Variants in MGAM observed in about 807,000 individuals in gnomAD.
MGAM encodes the protein maltase-glucoamylase.
MGAM carries 253 observed loss-of-function variants against 358.8 expected under a neutral mutation model. The ratio of observed to expected loss-of-function variants is 0.71; its 90% CI spans 0.64 to 0.78. MGAM has a LOEUF of 0.78. Among genes scored for constraint, MGAM ranks in the 30% least tolerant of loss-of-function variants. The pLI is 0.00. For synonymous variants in MGAM, 1,105 were observed against 1,227.1 expected (o/e 0.90, Z 2.08); for missense variants, 3,080 against 3,432.6 (o/e 0.90, Z 2.57).
At chr7:142,099,536 A>T in intron 66 of MGAM, 77 bp from the exon 67 acceptor site, 1 of 1,605,298 alleles carries the variant, frequency 6.2e-7, no homozygotes, top group African/African-American at 1.3e-5. Context: ...AGGGAGGATG[A>T]GATGTCTGGC....
In MGAM at chr7:142,082,515, G is replaced by A; in HGVS notation, c.6212G>A (p.Gly2071Glu). ...TATGGTGTCCACCCCTACTACATGGGGCTAGAGGAGGATGGCAGTGCCCAT... is the reference window on the plus strand; with the variant it reads ...TATGGTGTCCACCCCTACTACATGGAGCTAGAGGAGGATGGCAGTGCCCAT... ...NSYGVHPYYMGLEEDGSAHGV... is the reference protein window; with the variant it reads ...NSYGVHPYYMELEEDGSAHGV... The change falls in exon 52 of 71, where the codon GGG (glycine) becomes GAG (glutamate). Residue 2071 changes from glycine (G) to glutamate (E), a missense_variant. Physicochemically the swap from Gly to Glu is moderately conservative, Grantham distance 98. Around this residue, in one of 5 missense-constraint regions of MGAM, gnomAD observed 932 missense variants for 1,198.2 expected, o/e 0.78. Coordinates refer to ENST00000475668, the MANE Select transcript of MGAM (RefSeq NM_001365693.1). The A allele has an allele frequency of 3.3e-6, 5 of 1,535,482 alleles. No homozygotes were observed. The highest frequency in any genetic ancestry group is 4.5e-6 in the Non-Finnish European group (5 of 1,122,134).
At chr7:142,045,249 AT>A (rs1810007503) in intron 21 of MGAM, among the ~76,000 whole-genome samples, 1 of 89,588 alleles carries the variant, frequency 1.1e-5, no homozygotes, top group African/African-American at 5.6e-5. Context: ...CATATAATAT[AT>A]GATATATAAT....
intron 62 of MGAM, 27 bp from the exon 63 acceptor site, chr7:142,094,720 G>C: frequency 3.7e-6 from 6 of 1,613,260 alleles, no homozygotes; most frequent in African/African-American, 1.3e-5. Context: ...ATCATCAGCA[G>C]GCTCCTTTTA....
In MGAM at chr7:142,080,968, C is replaced by G. The variant is rs778208909; in HGVS notation, c.6002+23C>G. The G allele has an allele frequency of 2.0e-6, 3 of 1,537,970 alleles. No individual in the cohort carries two copies. In the East Asian group the frequency reaches 6.9e-5, roughly 35 times the overall value. On this transcript the variant is annotated intron_variant, in intron 50 of 70. Transcript: ENST00000475668. ...AATGTGAGTGGCTTCTAGTGTGACT[C>G]AGAGTTGATGGCTACCTGCGCCTTC...
At chr7:142,082,769 T>C (rs1343413991) in intron 52 of MGAM, among the ~76,000 whole-genome samples, 198 bp downstream of exon 52, 1 of 146,464 alleles carries the variant, frequency 6.8e-6, no homozygotes, top group East Asian at 2.0e-4. Context: ...ACCCAACTCT[T>C]ATTTTGGTAA....
At chr7:142,022,527 G>A (rs2128996768) in intron 7 of MGAM, 88 bp downstream of exon 7, 1 of 1,390,622 alleles carries the variant, frequency 7.2e-7, no homozygotes, top group Non-Finnish European at 9.7e-7. Context: ...GTGTTTAAGA[G>A]TTAGAGTCTA....
chr7:142,044,401 T>TATAATGAATATTATATACACATAC (rs1809693948), intron 21 of MGAM, among the ~76,000 whole-genome samples: 1 of 46,494 alleles, frequency 2.2e-5, no homozygotes, highest in African/African-American at 4.0e-5. Flanking sequence ...ATACGATATA[T>TATAATGAATATTATATACACATAC]GATATATAAT....
intron 18 of MGAM, among the ~76,000 whole-genome samples, chr7:142,037,902 C>T (rs573198879): frequency 1.8e-4 from 28 of 152,054 alleles, no homozygotes; most frequent in Admixed American, 5.2e-4. Flanking sequence ...TATAAAGAAT[C>T]CAAGCACACT....
rs1807511653 is a variant in MGAM, at chr7:142,031,741, C to G, written c.1532C>G (p.Thr511Arg). The G allele has an allele frequency of 6.2e-7, 1 of 1,613,226 alleles. No individual in the cohort carries two copies. The highest frequency in any genetic ancestry group is 1.1e-5 in the South Asian group (1 of 91,076). The change falls in exon 13 of 71, where the codon ACA becomes AGA. Residue 511 changes from threonine (T) to arginine (R), a missense_variant. Thr to Arg is a moderately conservative substitution (Grantham distance 71). Around this residue, in one of 5 missense-constraint regions of MGAM, gnomAD observed 1,816 missense variants for 1,840.5 expected, o/e 0.99. Coordinates refer to ENST00000475668, the MANE Select transcript of MGAM (RefSeq NM_001365693.1). ...AATCCCAACTGTGCTGTTTGGTGGA[C>G]AAAGGAATTTGAGCTTTTTCACAAT... The part of the protein sequence containing the change: ...YTNPNCAVWW[T>R]KEFELFHNQV...
Position 142,021,590 on chromosome 7 carries a change from C to G in MGAM, c.563C>G (p.Thr188Ser). ...QTSNRFHFKL[T>S]DQTNNRFEVP... ...TCTATTTCTATCTCTGCACAGTTGA[C>G]TGACCAAACCAATAACAGGTTTGAA... The change falls in exon 6 of 71, where the codon ACT becomes AGT. Residue 188 changes from threonine (T) to serine (S), a missense_variant. Thr to Ser is a moderately conservative substitution (Grantham distance 58, BLOSUM62 1). Coordinates refer to ENST00000475668, the MANE Select transcript of MGAM (RefSeq NM_001365693.1). The G allele has an allele frequency of 6.2e-7, 1 of 1,613,766 alleles. No individual in the cohort carries two copies. Among genetic ancestry groups the G allele is most frequent in the Non-Finnish European group, 8.5e-7 (1 of 1,179,758 alleles).
In MGAM at chr7:142,034,360, A is replaced by G. The variant is rs782322543; in HGVS notation, c.1768A>G (p.Met590Val). 6 of 1,582,422 alleles carry G rather than the reference A, an allele frequency of 3.8e-6. No homozygotes were observed. The highest frequency in any genetic ancestry group is 5.2e-6 in the Non-Finnish European group (6 of 1,163,116). Residue 590 changes from methionine to valine, a missense_variant, in exon 15 of 71, where the codon ATG (methionine) becomes GTG (valine). By Grantham distance (21) the Met-to-Val change is conservative (BLOSUM62 1). Coordinates refer to ENST00000475668, the MANE Select transcript of MGAM (RefSeq NM_001365693.1). ...CATTCACAATCTGTATGGCTACTCC[A>G]TGGCGGTCGCCACAGCAGAGTAAGG... ...YDIHNLYGYSMAVATAEAAKT... is the reference protein window; with the variant it reads ...YDIHNLYGYSVAVATAEAAKT...
intron 4 of MGAM, 96 bp downstream of exon 4, chr7:142,019,415 GC>G: frequency 7.5e-7 from 1 of 1,327,666 alleles, no homozygotes; most frequent in Non-Finnish European, 1.0e-6. Flanking sequence ...GCTCTGTGGG[GC>G]CATATAACCA....
intron 21 of MGAM, among the ~76,000 whole-genome samples, chr7:142,042,121 ATATATAT>A (rs1190882452): frequency 1.6e-5 from 1 of 64,328 alleles, no homozygotes; most frequent in Non-Finnish European, 2.7e-5. Flanking sequence ...ATAATATATA[ATATATAT>A]ACATATAATA....
At position 142,100,817 on chromosome 7, in the gene MGAM, G is replaced by A. The variant is rs1302024549; in HGVS notation, c.7890G>A (p.Met2630Ile). 2 of 1,612,142 alleles carry A rather than the reference G, an allele frequency of 1.2e-6. No individual in the cohort carries two copies. The highest frequency in any genetic ancestry group is 8.5e-7 in the Non-Finnish European group (1 of 1,179,230). ...LNTHLSRQKF[M>I]GFKIALDDEG... ...CTCACTGCAGCCGCCAGAAATTCAT[G>A]GGCTTCAAAATTGCCTTGGATGATG... is the stretch of plus-strand genomic sequence containing the variant. Residue 2630 changes from methionine (M) to isoleucine (I), a missense_variant, in exon 68 of 71, where the codon ATG (methionine) becomes ATA (isoleucine). Met to Ile is a conservative substitution (Grantham distance 10, BLOSUM62 1). Coordinates refer to ENST00000475668, the MANE Select transcript of MGAM (RefSeq NM_001365693.1).
chr7:142,021,359 T>C (rs1554458734), intron 5 of MGAM, among the ~76,000 whole-genome samples: 1 of 152,178 alleles, frequency 6.6e-6, no homozygotes, highest in Non-Finnish European at 1.5e-5. Flanking sequence ...AATAAGGAAG[T>C]ATCACAGCTT....
chr7:142,032,994 A>T (rs1807651746), intron 14 of MGAM, 85 bp downstream of exon 14: 1 of 899,028 alleles, frequency 1.1e-6, no homozygotes, highest in Admixed American at 2.8e-5. Context: ...AAATCTGGCA[A>T]GGGAATTTGT....
At chr7:142,045,159 T>G (rs1563156419) in intron 21 of MGAM, among the ~76,000 whole-genome samples, 1 of 107,272 alleles carries the variant, frequency 9.3e-6, no homozygotes, top group East Asian at 2.4e-4. Context: ...ATATGTGATA[T>G]ATAATATATA....
rs773861934 is a variant in MGAM, at chr7:142,094,502, G to A, written c.7306+5G>A. The A allele has an allele frequency of 1.6e-5, 25 of 1,548,374 alleles. 4 individuals are homozygous for A. Among genetic ancestry groups the A allele is most frequent in the Non-Finnish European group, 1.8e-5 (20 of 1,128,270 alleles). On this transcript the variant is annotated splice_donor_5th_base_variant and intron_variant, in intron 61 of 70. Coordinates refer to ENST00000475668, the MANE Select transcript of MGAM (RefSeq NM_001365693.1). ...AGCTGAAGAAGTCTATCATTGGTGC[G>A]TGGGTCCTTCCCAGGGCCTGTGCCG...
chr7:142,002,765 C>A (rs1042660462), intron 1 of MGAM, among the ~76,000 whole-genome samples: 5 of 151,992 alleles, frequency 3.3e-5, no homozygotes, highest in Middle Eastern at 3.4e-3. Context: ...TAACAGGCAT[C>A]CAAACTGGAA....
Sources: gnomAD v4.1 joint callset for allele counts (sites outside exome capture counted in the v4.1 genomes callset) on GRCh38, gnomAD v4.1.1 for gene constraint, gnomAD v4.1.1 regional missense constraint, MANE v1.5 for transcripts, NCBI Gene and HGNC (gene_info 2026-07-23, HGNC 2026-07-21) for gene names.